DDX10: variants seen among roughly 807,000 people sequenced by gnomAD.
DDX10 encodes the protein DEAD-box helicase 10.
A neutral mutation model predicts 104.3 loss-of-function variants in DDX10; 74 were observed. The observed-to-expected ratio is 0.71, with a 90% confidence interval of 0.59 to 0.86. The LOEUF (loss-of-function observed/expected upper bound fraction) is 0.86, where lower values mean the gene tolerates loss of function less well. DDX10 is among the 40% of genes least tolerant of loss of function. The probability of loss-of-function intolerance (pLI) is 0.00; values close to 1 mark genes in which losing one functional copy is unlikely to be tolerated. For missense variants in DDX10, 952 were observed against 1,040.0 expected, an observed-to-expected ratio of 0.92 and a Z score of 1.16; for synonymous variants, 351 against 353.4, an observed-to-expected ratio of 0.99 and a Z score of 0.08.
intron 16 of DDX10, among the ~76,000 whole-genome samples, chr11:108,902,539 A>G (rs1187924736): frequency 6.6e-6 from 1 of 152,182 alleles, no homozygotes; most frequent in African/African-American, 2.4e-5. Flanking sequence ...TGTAATGGGA[A>G]TATTAACACT....
intron 13 of DDX10, among the ~76,000 whole-genome samples, chr11:108,759,131 G>A (rs553209267): frequency 2.6e-5 from 4 of 152,114 alleles, no homozygotes; most frequent in African/African-American, 9.6e-5. Context: ...GTTGGCACTA[G>A]TATGGCTAAT....
intron 15 of DDX10, among the ~76,000 whole-genome samples, chr11:108,846,554 C>T (rs1862720956): frequency 6.6e-6 from 1 of 152,160 alleles, no homozygotes. Flanking sequence ...ACCCCTCTGC[C>T]TGGCTTATTT....
chr11:108,751,648 A>T (rs1591809212), intron 13 of DDX10, among the ~76,000 whole-genome samples: 1 of 152,206 alleles, frequency 6.6e-6, no homozygotes, highest in African/African-American at 2.4e-5. Context: ...AGAGTGAAAG[A>T]GAGTGAGTTA....
intron 16 of DDX10, among the ~76,000 whole-genome samples, chr11:108,906,735 G>A (rs1173259727): frequency 1.3e-5 from 2 of 152,170 alleles, no homozygotes; most frequent in Admixed American, 6.5e-5. Context: ...TCAATAAGAT[G>A]CACCATTATT....
rs1034743206 is a variant in DDX10, at chr11:108,751,465, A to T, written c.1965+28003A>T. On this transcript the variant is annotated intron_variant, in intron 13 of 17. Coordinates refer to ENST00000322536, the MANE Select transcript of DDX10 (RefSeq NM_004398.4). ...GTTCCTTCCATAACAAAAGCTCTTA[A>T]TCTGCAGTTAATATATTATGAAAGT... Among the ~76,000 whole-genome samples the T allele has an allele frequency of 2.6e-5, 4 of 152,286 alleles. No homozygotes were observed. In the South Asian group the frequency reaches 6.2e-4, roughly 24 times the overall value.
At chr11:108,675,547 C>T in intron 2 of DDX10, 49 bp from the exon 3 acceptor site, 2 of 1,587,224 alleles carry the variant, frequency 1.3e-6, no homozygotes, top group Non-Finnish European at 1.7e-6. Flanking sequence ...CCTATAATAC[C>T]ATCCTACAGG....
chr11:108,775,289 A>G (rs2094368485), intron 13 of DDX10, among the ~76,000 whole-genome samples: 1 of 152,214 alleles, frequency 6.6e-6, no homozygotes, highest in Non-Finnish European at 1.5e-5. Flanking sequence ...GACTTTTTAA[A>G]TGTGTCAGGT....
chr11:108,898,204 C>G (rs1863466081), intron 16 of DDX10, among the ~76,000 whole-genome samples: 1 of 152,014 alleles, frequency 6.6e-6, no homozygotes, highest in African/African-American at 2.4e-5. Flanking sequence ...TGGACTTTCC[C>G]AGGACTAACC....
Position 108,866,565 on chromosome 11 carries a change from A to G in DDX10, c.2304+14356A>G, listed in dbSNP as rs1364779286. 3.9e-5 allele frequency among the ~76,000 whole-genome samples: 6 copies of G among 152,118 alleles called. 1 individual carries two copies. The highest frequency in any genetic ancestry group is 8.8e-5 in the Non-Finnish European group (6 of 68,020). On this transcript the variant is annotated intron_variant, in intron 16 of 17. Coordinates refer to ENST00000322536, the MANE Select transcript of DDX10 (RefSeq NM_004398.4). ...CTGAATGGAACATGGAGATATTAGGAGAGATGAGCCAAAGATCACCCTAAG... is the reference window on the plus strand; with the variant it reads ...CTGAATGGAACATGGAGATATTAGGGGAGATGAGCCAAAGATCACCCTAAG...
At chr11:108,860,074 G>A (rs1290730287) in intron 16 of DDX10, among the ~76,000 whole-genome samples, 1 of 152,032 alleles carries the variant, frequency 6.6e-6, no homozygotes, top group Admixed American at 6.5e-5. Context: ...CTTATGTGAA[G>A]AAAAAGAGGC....
rs180834683 is a variant in DDX10, at chr11:108,706,903, T to C, written c.1322+66T>C. 80 of 1,339,992 alleles carry C rather than the reference T, an allele frequency of 6.0e-5. 1 individual carries two copies. In the Admixed American group the frequency reaches 9.3e-4, roughly 16 times the overall value. 83.0% of individuals were successfully genotyped at this position (1,339,992 alleles called of 1,614,324 possible). A position where few individuals can be genotyped will look rare whatever the true frequency, so the allele number is the denominator to read the frequency against. ...GGGCATGAAATTGTTTGCTTAATTA[T>C]GTGCACCTAATTTGCCCCTTCCCCT... On this transcript the variant is annotated intron_variant, in intron 10 of 17. Coordinates refer to ENST00000322536, the MANE Select transcript of DDX10 (RefSeq NM_004398.4).
chr11:108,719,722 T>TA (rs2094295932), intron 11 of DDX10, 75 bp from the exon 12 acceptor site: 1 of 849,310 alleles, frequency 1.2e-6, no homozygotes, highest in Non-Finnish European at 1.9e-6. Flanking sequence ...TCCCATTGGC[T>TA]AATTTTCTTA....
chr11:108,681,794 T>A (rs1374565143), intron 6 of DDX10, among the ~76,000 whole-genome samples: 3 of 152,226 alleles, frequency 2.0e-5, no homozygotes, highest in African/African-American at 7.2e-5. Flanking sequence ...TATGGTGGAT[T>A]ATGAAAAATT....
At chr11:108,769,623 A>AT (rs1036875863) in intron 13 of DDX10, among the ~76,000 whole-genome samples, 2 of 151,964 alleles carry the variant, frequency 1.3e-5, no homozygotes, top group African/African-American at 4.8e-5. Flanking sequence ...GGTTGTTTCC[A>AT]TTTTTTTGTA....
intron 15 of DDX10, among the ~76,000 whole-genome samples, chr11:108,850,977 A>T (rs1862783556): frequency 6.6e-6 from 1 of 152,242 alleles, no homozygotes; most frequent in African/African-American, 2.4e-5. Context: ...TATGAAATGC[A>T]TAGCACATTG....
chr11:108,814,594 A>G (rs1199486484), intron 13 of DDX10, among the ~76,000 whole-genome samples: 1 of 152,206 alleles, frequency 6.6e-6, no homozygotes, highest in South Asian at 2.1e-4. Flanking sequence ...TGAATATAGC[A>G]TCAGAGATTT....
intron 16 of DDX10, among the ~76,000 whole-genome samples, chr11:108,854,434 C>T (rs1049113581): frequency 6.6e-6 from 1 of 152,148 alleles, no homozygotes; most frequent in Admixed American, 6.5e-5. Context: ...CATTGTGTTA[C>T]TTAGGATATT....
intron 13 of DDX10, among the ~76,000 whole-genome samples, chr11:108,834,196 T>C (rs1258654618): frequency 6.6e-6 from 1 of 151,668 alleles, no homozygotes; most frequent in East Asian, 1.9e-4. Flanking sequence ...CGTGAACTCC[T>C]GGGCCCAAGA....
chr11:108,667,656 G>A (rs1416827317), intron 1 of DDX10, among the ~76,000 whole-genome samples: 1 of 152,138 alleles, frequency 6.6e-6, no homozygotes, highest in Non-Finnish European at 1.5e-5. Context: ...ATATATGAAG[G>A]AACAGCTTGC....
Sources: gnomAD v4.1 joint callset for allele counts (sites outside exome capture counted in the v4.1 genomes callset) on GRCh38, gnomAD v4.1.1 for gene constraint, MANE v1.5 for transcripts, NCBI Gene and HGNC (gene_info 2026-07-23, HGNC 2026-07-21) for gene names.